TGFB1I1: variants seen among roughly 807,000 people sequenced by gnomAD.
The protein encoded by TGFB1I1 is transforming growth factor beta 1 induced transcript 1, also known as transforming growth factor beta-1-induced transcript 1 protein.
Under a neutral mutation model 52.0 loss-of-function variants are expected in TGFB1I1, and 33 were observed. The observed-to-expected ratio is 0.63, with a 90% confidence interval of 0.48 to 0.85. TGFB1I1 has a LOEUF of 0.85. Among genes scored for constraint, TGFB1I1 ranks in the 40% least tolerant of loss-of-function variants. The pLI, the probability that TGFB1I1 is intolerant of heterozygous loss-of-function variation, is 0.00. For synonymous variants in TGFB1I1, 236 were observed against 253.3 expected, an observed-to-expected ratio of 0.93 and a Z score of 0.65; for missense variants, 577 against 614.9, an observed-to-expected ratio of 0.94 and a Z score of 0.65.
chr16:31,475,979 G>A (rs1053477215), intron 7 of TGFB1I1, 33 bp from the exon 8 acceptor site: 6 of 1,595,506 alleles, frequency 3.8e-6, no homozygotes, highest in East Asian at 2.2e-5. Context: ...GGTTGTCAGA[G>A]CCGCTCTGAC....
chr16:31,476,723 C>T lies in TGFB1I1; in HGVS notation c.971-139C>T. The stretch of plus-strand genomic sequence containing the variant: ...ACTCCGGACCCGAGCCCTCCCCGCT[C>T]TGTCCCGCCATAGACCCGGCTCCTC... On this transcript the variant is annotated intron_variant, in intron 9 of 10. Coordinates refer to ENST00000394863, the MANE Select transcript of TGFB1I1 (RefSeq NM_001042454.3). This position sits in a 1 kb window ranked among gnomAD's most constrained non-coding sequence, Gnocchi z 7.6. 2 of 1,484,358 alleles carry T rather than the reference C, an allele frequency of 1.3e-6. No homozygotes were observed. The highest frequency in any genetic ancestry group is 2.5e-5 in the South Asian group (2 of 78,984). The allele number at this position is 1,484,358 out of a possible 1,614,324, so 91.9% of individuals were successfully genotyped here.
intron 1 of TGFB1I1, chr16:31,472,412 T>C: frequency 1.2e-6 from 1 of 837,412 alleles, no homozygotes. Flanking sequence ...TCCCTCGCTG[T>C]GCTCCTCCAT....
At position 31,474,592 on chromosome 16, in the gene TGFB1I1, G is replaced by A. The variant is rs778829584; in HGVS notation, c.549G>A (p.Pro183=). ...CAGCCTCTGGGCCAACTCAGCCACC[G>A]GTGGTGAGCTCCACAAATGAGGGCT... is the stretch of plus-strand genomic sequence containing the variant. ...HLPASGPTQP[P]VVSSTNEGSP... The change falls in exon 7 of 11, where the codon CCG becomes CCA. Residue 183 remains proline (P), a synonymous_variant. Transcript: ENST00000394863. This position sits in a 1 kb window ranked among gnomAD's most constrained non-coding sequence, Gnocchi z 4.2. 37 of 1,608,902 alleles carry A rather than the reference G, an allele frequency of 2.3e-5. No individual in the cohort carries two copies. Among genetic ancestry groups the A allele is most frequent in the East Asian group, 6.7e-5 (3 of 44,792 alleles).
Position 31,474,166 on chromosome 16 carries a change from C to G in TGFB1I1, c.340C>G (p.Gln114Glu). 6.2e-7 allele frequency: 1 copy of G among 1,614,110 alleles called. No individual in the cohort carries two copies. The highest frequency in any genetic ancestry group is 8.5e-7 in the Non-Finnish European group (1 of 1,179,994). ...CCTCTCTCCAGATGAAATCATGTCTCAGTTCCCATCTAGCAAGGTGGCTTC... is the reference window on the plus strand; with the variant it reads ...CCTCTCTCCAGATGAAATCATGTCTGAGTTCCCATCTAGCAAGGTGGCTTC... ...QFNITDEIMS[Q>E]FPSSKVASGE... is the part of the protein sequence containing the mutation. Residue 114 changes from glutamine to glutamate, a missense_variant, in exon 5 of 11, where the codon CAG becomes GAG. This residue lies in a region of TGFB1I1 where 8 missense variants were observed against 29.4 expected (regional missense o/e 0.27). Transcript: ENST00000394863. This position sits in a 1 kb window ranked among gnomAD's most constrained non-coding sequence, Gnocchi z 4.2.
Position 31,477,528 on chromosome 16 carries a change from C to T in TGFB1I1, c.1338C>T (p.Arg446=). 1 of 1,609,644 alleles carries T rather than the reference C, an allele frequency of 6.2e-7. No homozygotes were observed. The highest frequency in any genetic ancestry group is 8.5e-7 in the Non-Finnish European group (1 of 1,178,650). ...TCACCAAGGGGTCCTTCCAGGAGCGCGCCGGCAAGCCCTACTGCCAGCCCT... is the reference window on the plus strand; with the variant it reads ...TCACCAAGGGGTCCTTCCAGGAGCGTGCCGGCAAGCCCTACTGCCAGCCCT... ...RPLTKGSFQE[R]AGKPYCQPCF... is the part of the protein sequence containing the mutation. Residue 446 remains arginine, a synonymous_variant, in exon 11 of 11, where the codon CGC becomes CGT. Transcript: ENST00000394863. The surrounding 1 kb of genome is among the most constrained non-coding windows in gnomAD (Gnocchi z 4.7).
At chr16:31,472,590 C>G in intron 1 of TGFB1I1, 1 of 195,178 alleles carries the variant, frequency 5.1e-6, no homozygotes, top group Admixed American at 6.1e-5. Context: ...CTGCCTGCAC[C>G]AGAGTTTTGG....
intron 1 of TGFB1I1, chr16:31,472,836 G>T (rs1403687768): frequency 6.6e-6 from 1 of 152,502 alleles, no homozygotes; most frequent in Admixed American, 6.5e-5. Flanking sequence ...GGGGACCCAG[G>T]TATCTCGTCC....
Position 31,473,552 on chromosome 16 carries a change from C to A in TGFB1I1, c.125C>A (p.Pro42Gln). Residue 42 changes from proline to glutamine, a missense_variant, in exon 2 of 11, where the codon CCA (proline) becomes CAA (glutamine). By Grantham distance (76) the Pro-to-Gln change is moderately conservative. Transcript: ENST00000394863. ...CCTCCCCCATCCTATGGCCACCAGC[C>A]ACAGGTGAGATCGGATGTTGGGGAC... ...LTPPPSYGHQ[P>Q]QTGSGESSGA... 6.2e-7 allele frequency: 1 copy of A among 1,613,862 alleles called. No homozygotes were observed. Among genetic ancestry groups the A allele is most frequent in the Non-Finnish European group, 8.5e-7 (1 of 1,179,944 alleles).
rs775273233 is a variant in TGFB1I1, at chr16:31,473,893, T to A, written c.241T>A (p.Ser81Thr). ...PAAPAAPPFSSSSGVLGTGLC... is the reference protein window; with the variant it reads ...PAAPAAPPFSTSSGVLGTGLC... ...AGCCCCGGCGGCCCCTCCATTCTCCTCTTCCAGCGGTGTCTTGGGTACCGG... is the reference window on the plus strand; with the variant it reads ...AGCCCCGGCGGCCCCTCCATTCTCCACTTCCAGCGGTGTCTTGGGTACCGG... The change falls in exon 4 of 11, where the codon TCT (serine) becomes ACT (threonine). Residue 81 changes from serine to threonine, a missense_variant. Coordinates refer to ENST00000394863, the MANE Select transcript of TGFB1I1 (RefSeq NM_001042454.3). 6.2e-7 allele frequency: 1 copy of A among 1,614,092 alleles called. No homozygotes were observed. Among genetic ancestry groups the A allele is most frequent in the East Asian group, 2.2e-5 (1 of 44,878 alleles).
In TGFB1I1 at chr16:31,476,234, C is replaced by T. The variant is rs1331390982; in HGVS notation, c.888+49C>T. 3 of 1,586,128 alleles carry T rather than the reference C, an allele frequency of 1.9e-6. No homozygotes were observed. ...AGCCCGCCCTATCTCACCAGGAGAGCTGTGGGACGGGCCTCCACCGCATGG... is the reference window on the plus strand; with the variant it reads ...AGCCCGCCCTATCTCACCAGGAGAGTTGTGGGACGGGCCTCCACCGCATGG... On this transcript the variant is annotated intron_variant, in intron 8 of 10. Coordinates refer to ENST00000394863, the MANE Select transcript of TGFB1I1 (RefSeq NM_001042454.3). This position sits in a 1 kb window ranked among gnomAD's most constrained non-coding sequence, Gnocchi z 7.6.
intron 7 of TGFB1I1, 82 bp from the exon 8 acceptor site, chr16:31,475,930 T>G (rs913689371): frequency 6.9e-7 from 1 of 1,458,892 alleles, no homozygotes; most frequent in Non-Finnish European, 9.3e-7. Flanking sequence ...CAGAGAGGAC[T>G]CGAAAAACGC....
In TGFB1I1 at chr16:31,477,583, G is replaced by C. The variant is rs545115038; in HGVS notation, c.*7G>C. 509 of 1,592,724 alleles carry C rather than the reference G, an allele frequency of 3.2e-4. 5 individuals are homozygous for C. The Admixed American group carries it at 8.6e-3, about 27-fold the overall frequency. On this transcript the variant is annotated 3_prime_UTR_variant, in exon 11 of 11. Transcript: ENST00000394863. The surrounding 1 kb of genome is among the most constrained non-coding windows in gnomAD (Gnocchi z 4.7). ...CCTGAAGCTCTTCGGCTGACAGCCCGCTCGGCTCGCCCTCTCCCCCGGAGG... is the reference window on the plus strand; with the variant it reads ...CCTGAAGCTCTTCGGCTGACAGCCCCCTCGGCTCGCCCTCTCCCCCGGAGG...
chr16:31,477,592 GCCCTCT>G lies in TGFB1I1; in HGVS notation c.*20_*25del. The G allele has an allele frequency of 6.3e-7, 1 of 1,586,230 alleles. No individual in the cohort carries two copies. Among genetic ancestry groups the G allele is most frequent in the South Asian group, 1.1e-5 (1 of 88,520 alleles). ...CTTCGGCTGACAGCCCGCTCGGCTC[GCCCTCT>G]CCCCCGGAGGCCGCGCCCTCCCGGA... On this transcript the variant is annotated 3_prime_UTR_variant, in exon 11 of 11. Transcript: ENST00000394863. This position sits in a 1 kb window ranked among gnomAD's most constrained non-coding sequence, Gnocchi z 4.7.
Position 31,477,609 on chromosome 16 carries a change from C to G in TGFB1I1, c.*33C>G, listed in dbSNP as rs747220174. The G allele has an allele frequency of 6.4e-7, 1 of 1,555,548 alleles. No homozygotes were observed. Among genetic ancestry groups the G allele is most frequent in the South Asian group, 1.2e-5 (1 of 85,190 alleles). Reference sequence around the variant, plus strand: ...CTCGGCTCGCCCTCTCCCCCGGAGGCCGCGCCCTCCCGGAAAAGCCGGGTC... The same window carrying G: ...CTCGGCTCGCCCTCTCCCCCGGAGGGCGCGCCCTCCCGGAAAAGCCGGGTC... On this transcript the variant is annotated 3_prime_UTR_variant, in exon 11 of 11. Coordinates refer to ENST00000394863, the MANE Select transcript of TGFB1I1 (RefSeq NM_001042454.3). The surrounding 1 kb of genome is among the most constrained non-coding windows in gnomAD (Gnocchi z 4.7).
At chr16:31,475,886 G>A (rs2082419897) in intron 7 of TGFB1I1, 126 bp from the exon 8 acceptor site, 1 of 1,054,980 alleles carries the variant, frequency 9.5e-7, no homozygotes, top group East Asian at 2.4e-5. Flanking sequence ...CAGGCTGCGT[G>A]ATCTCGAACA....
Position 31,476,895 on chromosome 16 carries a change from G to A in TGFB1I1, c.1004G>A (p.Arg335His), listed in dbSNP as rs764513406. 2 of 1,609,676 alleles carry A rather than the reference G, an allele frequency of 1.2e-6. No individual in the cohort carries two copies. The highest frequency in any genetic ancestry group is 1.7e-6 in the Non-Finnish European group (2 of 1,179,348). ...FHEREGRPYC[R>H]RDFLQLFAPR... ...GAGCGCGAGGGCCGCCCCTACTGCC[G>A]CCGGGACTTCCTGCAGCTGTTCGCC... Residue 335 changes from arginine (R) to histidine (H), a missense_variant, in exon 10 of 11, where the codon CGC becomes CAC. This residue lies in a region of TGFB1I1 where 456 missense variants were observed against 461.6 expected (regional missense o/e 0.99). Transcript: ENST00000394863. This position sits in a 1 kb window ranked among gnomAD's most constrained non-coding sequence, Gnocchi z 7.6.
intron 1 of TGFB1I1, chr16:31,472,747 T>G (rs1378043508): frequency 6.6e-6 from 1 of 152,476 alleles, no homozygotes; most frequent in African/African-American, 2.4e-5. Context: ...GGGCAGGACT[T>G]CTGGGTTCTG....
rs759648402 is a variant in TGFB1I1 at position 31,477,055 on chromosome 16, C to T, written c.1119+45C>T. On this transcript the variant is annotated intron_variant, in intron 10 of 10. Coordinates refer to ENST00000394863, the MANE Select transcript of TGFB1I1 (RefSeq NM_001042454.3). This position sits in a 1 kb window ranked among gnomAD's most constrained non-coding sequence, Gnocchi z 4.7. ...GCGTTGGAGGGGCGGGTCAAGGGTA[C>T]AGGGCTGTGGGGCGGGGCCTTGGAG... 8.0e-6 allele frequency: 12 copies of T among 1,492,082 alleles called. No individual in the cohort carries two copies. The highest frequency in any genetic ancestry group is 1.1e-5 in the Non-Finnish European group (12 of 1,120,066). The allele number at this position is 1,492,082 out of a possible 1,614,324, so 92.4% of individuals were successfully genotyped here. A position where few individuals can be genotyped will look rare whatever the true frequency, so the allele number is the denominator to read the frequency against.
In TGFB1I1 at chr16:31,474,301, G is replaced by C; in HGVS notation, c.414-49G>C. ...TCCTGGATATCTGAGTCACTAGAGG[G>C]AGCGTTGCTCTGGGAGGCTCTGAGA... On this transcript the variant is annotated intron_variant, in intron 5 of 10. Coordinates refer to ENST00000394863, the MANE Select transcript of TGFB1I1 (RefSeq NM_001042454.3). This position sits in a 1 kb window ranked among gnomAD's most constrained non-coding sequence, Gnocchi z 4.2. The C allele has an allele frequency of 6.2e-7, 1 of 1,613,662 alleles. No homozygotes were observed. Among genetic ancestry groups the C allele is most frequent in the Non-Finnish European group, 8.5e-7 (1 of 1,179,626 alleles).
Sources: gnomAD v4.1 joint callset for allele counts on GRCh38, gnomAD v4.1.1 for gene constraint, gnomAD v4.1.1 regional missense constraint, Gnocchi (gnomAD v3.1) non-coding constraint, MANE v1.5 for transcripts, NCBI Gene and HGNC (gene_info 2026-07-23, HGNC 2026-07-21) for gene names.